MCTP1: variants seen among roughly 807,000 people sequenced by gnomAD.
The protein encoded by MCTP1 is multiple C2 and transmembrane domain-containing protein 1.
MCTP1 carries 69 observed loss-of-function variants against 120.6 expected under a neutral mutation model. The ratio of observed to expected loss-of-function variants is 0.57; its 90% CI spans 0.47 to 0.70. The LOEUF (loss-of-function observed/expected upper bound fraction) is 0.70. MCTP1 is among the 30% of genes least tolerant of loss of function. The pLI, the probability that MCTP1 is intolerant of heterozygous loss-of-function variation, is 0.00. For missense variants in MCTP1, 1,203 were observed against 1,248.8 expected (o/e 0.96, Z 0.55); for synonymous variants, 529 against 493.1 (o/e 1.07, Z -0.96).
At chr5:95,274,483 A>G (rs1202176101) in intron 1 of MCTP1, among the ~76,000 whole-genome samples, 1 of 152,070 alleles carries the variant, frequency 6.6e-6, no homozygotes, top group Non-Finnish European at 1.5e-5. Flanking sequence ...ACCTTCTCCC[A>G]TCAATTATCC....
chr5:95,184,867 C>T (rs1749021927), intron 1 of MCTP1, among the ~76,000 whole-genome samples: 2 of 152,150 alleles, frequency 1.3e-5, no homozygotes, highest in Admixed American at 1.3e-4. Context: ...GAACAGAAGA[C>T]ATTAAGAAAA....
chr5:95,274,869 C>T (rs929143961), intron 1 of MCTP1, among the ~76,000 whole-genome samples: 12 of 152,174 alleles, frequency 7.9e-5, no homozygotes, highest in African/African-American at 2.2e-4. Context: ...GTGATCCGCC[C>T]GCCTCGGCCT....
chr5:94,888,948 G>A lies in MCTP1; in HGVS notation c.1864C>T (p.Leu622=). The change falls in exon 12 of 23, where the codon CTG becomes TTG. Residue 622 remains leucine (L), a synonymous_variant. Coordinates refer to ENST00000515393, the MANE Select transcript of MCTP1 (RefSeq NM_024717.7). Reference sequence around the variant, plus strand: ...ACCTGGAGAAATCCCACATCTTTCAGGTTGTGAAATATCCTCAATGGGCTC... The same window carrying A: ...ACCTGGAGAAATCCCACATCTTTCAAGTTGTGAAATATCCTCAATGGGCTC... The part of the protein sequence containing the change: ...RYSPLRIFHN[L]KDVGFLQVKV... 6.2e-7 allele frequency: 1 copy of A among 1,613,718 alleles called. No individual in the cohort carries two copies. The highest frequency in any genetic ancestry group is 1.1e-5 in the South Asian group (1 of 91,078).
intron 1 of MCTP1, among the ~76,000 whole-genome samples, chr5:95,070,731 A>G (rs1210316487): frequency 6.6e-6 from 1 of 152,228 alleles, no homozygotes; most frequent in Non-Finnish European, 1.5e-5. Context: ...AGAGAGGAGT[A>G]CAAAGGCAGT....
chr5:94,732,243 T>C (rs1763257621), intron 19 of MCTP1, among the ~76,000 whole-genome samples: 1 of 152,226 alleles, frequency 6.6e-6, no homozygotes, highest in African/African-American at 2.4e-5. Context: ...GTCCAATCCA[T>C]GGCCTGCATG....
At chr5:95,214,680 C>A (rs1752829321) in intron 1 of MCTP1, among the ~76,000 whole-genome samples, 1 of 152,096 alleles carries the variant, frequency 6.6e-6, no homozygotes, top group Non-Finnish European at 1.5e-5. Flanking sequence ...GAATACTATG[C>A]AGCCATAGAA....
chr5:95,081,370 T>G, intron 1 of MCTP1: 7 of 1,498,478 alleles, frequency 4.7e-6, no homozygotes, highest in Non-Finnish European at 6.4e-6. Context: ...ATACCTAAAC[T>G]GCCACATTAA....
chr5:95,050,281 A>G (rs189321668), intron 1 of MCTP1, among the ~76,000 whole-genome samples: 4 of 152,358 alleles, frequency 2.6e-5, no homozygotes, highest in Admixed American at 2.0e-4. Flanking sequence ...TTCCATAAAT[A>G]AAACGTTTTT....
chr5:95,201,735 C>G (rs1245923189), intron 1 of MCTP1, among the ~76,000 whole-genome samples: 1 of 151,782 alleles, frequency 6.6e-6, no homozygotes, highest in Non-Finnish European at 1.5e-5. Flanking sequence ...AAACTCCTGA[C>G]CTCAAGGGAT....
Position 94,947,821 on chromosome 5 carries a change from A to G in MCTP1, c.982-5394T>C, listed in dbSNP as rs1263530704. Among the ~76,000 whole-genome samples the G allele has an allele frequency of 4.8e-5, 7 of 147,052 alleles. No individual in the cohort carries two copies. In the East Asian group the frequency reaches 1.4e-3, roughly 29 times the overall value. ...TTTTTTGTAGAGACAGGGTCTCCCT[A>G]GGTTGCTTGGGCTGGTCTTGAACCT... On this transcript the variant is annotated intron_variant, in intron 3 of 22. Coordinates refer to ENST00000515393, the MANE Select transcript of MCTP1 (RefSeq NM_024717.7).
chr5:95,007,235 C>G (rs985073925), intron 2 of MCTP1, among the ~76,000 whole-genome samples: 2 of 152,110 alleles, frequency 1.3e-5, no homozygotes, highest in African/African-American at 4.8e-5. Context: ...TGGGTCCCTC[C>G]CGCGACACAG....
chr5:94,821,545 T>C (rs1441396310), intron 17 of MCTP1, among the ~76,000 whole-genome samples: 1 of 152,218 alleles, frequency 6.6e-6, no homozygotes, highest in Non-Finnish European at 1.5e-5. Flanking sequence ...ATTTGTAATA[T>C]TGTATGTATA....
intron 2 of MCTP1, among the ~76,000 whole-genome samples, chr5:94,987,065 AT>A (rs1014499464): frequency 1.3e-5 from 2 of 152,034 alleles, no homozygotes; most frequent in African/African-American, 4.8e-5. Flanking sequence ...TTTTATTTGC[AT>A]TTTTTTATTG....
At chr5:95,031,138 G>A (rs962825207) in intron 1 of MCTP1, among the ~76,000 whole-genome samples, 2 of 150,764 alleles carry the variant, frequency 1.3e-5, no homozygotes, top group Admixed American at 1.3e-4. Context: ...ATGAGATTAT[G>A]TAAAGCAAAC....
At chr5:95,071,320 G>A (rs1213007670) in intron 1 of MCTP1, among the ~76,000 whole-genome samples, 1 of 152,150 alleles carries the variant, frequency 6.6e-6, no homozygotes, top group African/African-American at 2.4e-5. Context: ...AGAATCTTCT[G>A]GAGAATTTTG....
At chr5:95,131,805 G>A (rs942499991) in intron 1 of MCTP1, among the ~76,000 whole-genome samples, 2 of 152,148 alleles carry the variant, frequency 1.3e-5, no homozygotes, top group Non-Finnish European at 2.9e-5. Flanking sequence ...TTGAATGAAT[G>A]AATAAATATA....
intron 1 of MCTP1, among the ~76,000 whole-genome samples, chr5:95,123,316 T>C (rs1047089326): frequency 5.9e-5 from 9 of 151,824 alleles, no homozygotes; most frequent in African/African-American, 2.2e-4. Flanking sequence ...AGGAACAGAA[T>C]ATAATATGTA....
At chr5:94,767,460 G>T (rs1312192088) in intron 19 of MCTP1, among the ~76,000 whole-genome samples, 1 of 152,044 alleles carries the variant, frequency 6.6e-6, no homozygotes, top group African/African-American at 2.4e-5. Context: ...TGGAAAAAAA[G>T]GAAGTCAAAT....
intron 1 of MCTP1, among the ~76,000 whole-genome samples, chr5:95,095,274 C>T (rs369732765): frequency 2.0e-5 from 3 of 152,122 alleles, no homozygotes; most frequent in East Asian, 1.9e-4. Context: ...CCACCCGCCT[C>T]GGCCTCCCAA....
Sources: gnomAD v4.1 joint callset for allele counts (sites outside exome capture counted in the v4.1 genomes callset) on GRCh38, gnomAD v4.1.1 for gene constraint, MANE v1.5 for transcripts, NCBI Gene and HGNC (gene_info 2026-07-23, HGNC 2026-07-21) for gene names.